The following TMEM44 variants were observed in gnomAD, a reference collection of about 807,000 sequenced individuals.
TMEM44 encodes the protein transmembrane protein 44.
Under a neutral mutation model 47.8 loss-of-function variants are expected in TMEM44, and 43 were observed. That is an observed-to-expected ratio of 0.90 (90% CI 0.70 to 1.16). TMEM44 has a LOEUF of 1.16. Among genes scored for constraint, TMEM44 ranks in the 50% most tolerant of loss-of-function variants. The pLI, the probability that TMEM44 is intolerant of heterozygous loss-of-function variation, is 0.00. For synonymous variants in TMEM44, 277 were observed against 238.8 expected (o/e 1.16, Z -1.48); for missense variants, 568 against 555.2 (o/e 1.02, Z -0.23).
Position 194,588,427 on chromosome 3 carries a change from CTTCAG to C in TMEM44, c.*97_*101del. 2 of 1,018,592 alleles carry C rather than the reference CTTCAG, an allele frequency of 2.0e-6. No individual in the cohort carries two copies. Among genetic ancestry groups the C allele is most frequent in the Non-Finnish European group, 3.0e-6 (2 of 676,374 alleles). 63.1% of individuals were successfully genotyped at this position (1,018,592 alleles called of 1,614,324 possible). ...CCTGGTTCCTCACTTGCCAGGGCAG[CTTCAG>C]TTCCTGCCGCGGTGTCAGTGCAGAT... On this transcript the variant is annotated 3_prime_UTR_variant, in exon 10 of 10. Transcript: ENST00000347147.
intron 3 of TMEM44, among the ~76,000 whole-genome samples, chr3:194,625,588 C>T (rs1717074290): frequency 6.6e-6 from 1 of 152,226 alleles, no homozygotes; most frequent in African/African-American, 2.4e-5. Flanking sequence ...TCAAGCGATT[C>T]TCCTGCCTCA....
chr3:194,618,203 C>T (rs777766487), intron 5 of TMEM44, among the ~76,000 whole-genome samples: 3 of 151,784 alleles, frequency 2.0e-5, no homozygotes, highest in Non-Finnish European at 2.9e-5. Context: ...GGGGAAGATC[C>T]GAAAAATGAG....
intron 1 of TMEM44, among the ~76,000 whole-genome samples, chr3:194,631,697 T>C (rs1297616588): frequency 6.6e-6 from 1 of 152,300 alleles, no homozygotes; most frequent in East Asian, 1.9e-4. Flanking sequence ...ACGCGGGGGC[T>C]TTGCTCCGTA....
chr3:194,630,426 C>T (rs1288850813), intron 1 of TMEM44, among the ~76,000 whole-genome samples: 3 of 93,066 alleles, frequency 3.2e-5, no homozygotes, highest in South Asian at 6.3e-4. Context: ...TGAAATAATA[C>T]GCTGTCGTAC....
chr3:194,600,886 C>T (rs1428163173), intron 9 of TMEM44, among the ~76,000 whole-genome samples: 4 of 152,224 alleles, frequency 2.6e-5, no homozygotes, highest in Non-Finnish European at 5.9e-5. Context: ...ACTTTACAAT[C>T]CTGTTTGACC....
At chr3:194,589,141 A>C (rs1218585232) in intron 9 of TMEM44, 1 of 159,400 alleles carries the variant, frequency 6.3e-6, no homozygotes, top group African/African-American at 2.4e-5. Flanking sequence ...CTGGGACTAC[A>C]GGTGTGTACC....
rs530748814 is a variant in TMEM44, at chr3:194,613,684, G to A, written c.912+1885C>T. Reference sequence around the variant, plus strand: ...ATTTTTGTATTTTTAGTAGAGACAGGAGTTTCACCACGTTGGTCAGGCTGG... The same window carrying A: ...ATTTTTGTATTTTTAGTAGAGACAGAAGTTTCACCACGTTGGTCAGGCTGG... On this transcript the variant is annotated intron_variant, in intron 7 of 9. Transcript: ENST00000347147. 2.0e-3 allele frequency among the ~76,000 whole-genome samples: 296 copies of A among 150,852 alleles called. 2 individuals carry two copies. The highest frequency in any genetic ancestry group is 6.8e-3 in the African/African-American group (280 of 41,074).
At chr3:194,595,915 G>A (rs1374229630) in intron 9 of TMEM44, among the ~76,000 whole-genome samples, 1 of 152,108 alleles carries the variant, frequency 6.6e-6, no homozygotes, top group Non-Finnish European at 1.5e-5. Context: ...GTGAGCCACC[G>A]CACCCGGCTG....
At chr3:194,614,108 G>A (rs1274414138) in intron 7 of TMEM44, among the ~76,000 whole-genome samples, 2 of 152,084 alleles carry the variant, frequency 1.3e-5, no homozygotes, top group South Asian at 2.1e-4. Flanking sequence ...GGCAACAAGA[G>A]CAAAACTCCG....
At chr3:194,623,473 G>T in intron 4 of TMEM44, 56 bp downstream of exon 4, 1 of 1,532,358 alleles carries the variant, frequency 6.5e-7, no homozygotes, top group South Asian at 1.2e-5. Context: ...TCCCACCCTG[G>T]GCATTTGGCA....
rs1031346282 is a variant in TMEM44, at chr3:194,588,442, C to T, written c.*87G>A. The T allele has an allele frequency of 1.2e-5, 14 of 1,179,914 alleles. No individual in the cohort carries two copies. Among genetic ancestry groups the T allele is most frequent in the Admixed American group, 5.6e-5 (3 of 53,228 alleles). 73.1% of individuals were successfully genotyped at this position (1,179,914 alleles called of 1,614,324 possible). On this transcript the variant is annotated 3_prime_UTR_variant, in exon 10 of 10. Coordinates refer to ENST00000347147, the MANE Select transcript of TMEM44 (RefSeq NM_001011655.3). Reference sequence around the variant, plus strand: ...GCCAGGGCAGCTTCAGTTCCTGCCGCGGTGTCAGTGCAGATTGATTCCCGC... The same window carrying T: ...GCCAGGGCAGCTTCAGTTCCTGCCGTGGTGTCAGTGCAGATTGATTCCCGC...
At chr3:194,595,452 A>C (rs1773177) in intron 9 of TMEM44, among the ~76,000 whole-genome samples, 140,188 of 152,128 alleles carry the variant, frequency 0.92, 64,654 homozygotes, top group East Asian at 0.98. Context: ...TTTAAATTTT[A>C]GACTGTGGAA....
chr3:194,594,133 A>ATCTGTCTGTCTGTCTGTCTG (rs1196298353), intron 9 of TMEM44, among the ~76,000 whole-genome samples: 9,411 of 143,922 alleles, frequency 0.065, 487 homozygotes, highest in East Asian at 0.21. Context: ...CTATCTATCT[A>ATCTGTCTGTCTGTCTGTCTG]TCTATCTATC....
At chr3:194,609,994 C>G (rs907585602) in intron 8 of TMEM44, among the ~76,000 whole-genome samples, 5 of 151,994 alleles carry the variant, frequency 3.3e-5, no homozygotes, top group Non-Finnish European at 7.4e-5. Flanking sequence ...TTTGGGAGGC[C>G]GAGGCCAGCA....
chr3:194,612,681 T>C (rs1715445059), intron 7 of TMEM44, among the ~76,000 whole-genome samples: 1 of 152,236 alleles, frequency 6.6e-6, no homozygotes, highest in Admixed American at 6.5e-5. Flanking sequence ...GTCCTTTTTT[T>C]TGAGACGGAG....
intron 9 of TMEM44, among the ~76,000 whole-genome samples, chr3:194,591,585 G>C (rs1577143179): frequency 6.6e-6 from 1 of 152,204 alleles, no homozygotes; most frequent in South Asian, 2.1e-4. Context: ...TGACTCTCCA[G>C]AATAATGTGT....
intron 6 of TMEM44, chr3:194,616,872 G>T: frequency 1.8e-6 from 1 of 568,444 alleles, no homozygotes; most frequent in South Asian, 2.1e-5. Flanking sequence ...TCCAGCCTGG[G>T]CAACACAGCG....
intron 7 of TMEM44, among the ~76,000 whole-genome samples, chr3:194,612,617 C>CAAAA (rs34561970): frequency 1.4e-5 from 2 of 141,634 alleles, no homozygotes; most frequent in Non-Finnish European, 1.5e-5. Context: ...GAGTTTTTTC[C>CAAAA]AAAAAAAAAA....
intron 9 of TMEM44, chr3:194,593,066 T>C: frequency 6.2e-7 from 1 of 1,613,580 alleles, no homozygotes; most frequent in African/African-American, 1.3e-5. Flanking sequence ...GGCCTCCCAA[T>C]ACTTCTGCTG....
Sources: allele counts gnomAD v4.1 joint callset (sites outside exome capture counted in the v4.1 genomes callset), GRCh38; gene constraint gnomAD v4.1.1; transcripts MANE v1.5; gene names NCBI Gene and HGNC (gene_info 2026-07-23, HGNC 2026-07-21).